Variants in SCMH1 observed in about 807,000 individuals in gnomAD.
The protein encoded by SCMH1 is polycomb protein SCMH1.
SCMH1 carries 37 observed loss-of-function variants against 70.8 expected under a neutral mutation model. That is an observed-to-expected ratio of 0.52 (90% confidence interval 0.40 to 0.69). SCMH1 has a LOEUF of 0.69. Among genes scored for constraint, SCMH1 ranks in the 30% least tolerant of loss-of-function variants. The pLI, the probability that SCMH1 is intolerant of heterozygous loss-of-function variation, is 0.00. For missense variants in SCMH1, 607 were observed against 827.3 expected (o/e 0.73, Z 3.27); for synonymous variants, 292 against 307.4 (o/e 0.95, Z 0.52).
intron 1 of SCMH1, among the ~76,000 whole-genome samples, chr1:41,206,739 G>A (rs1433316552): frequency 6.6e-6 from 1 of 152,118 alleles, no homozygotes; most frequent in East Asian, 1.9e-4. Context: ...ACACATAATT[G>A]TCAAATTTAC....
intron 8 of SCMH1, among the ~76,000 whole-genome samples, chr1:41,091,962 G>C (rs527473698): frequency 6.6e-6 from 1 of 152,140 alleles, no homozygotes; most frequent in Non-Finnish European, 1.5e-5. Context: ...GTACTTTACA[G>C]ATTCAATGCC....
chr1:41,157,972 AAAG>A (rs1469859700), intron 4 of SCMH1, among the ~76,000 whole-genome samples: 1 of 152,214 alleles, frequency 6.6e-6, no homozygotes, highest in Non-Finnish European at 1.5e-5. Flanking sequence ...GAGTGAATGA[AAAG>A]AAGCACACAA....
intron 8 of SCMH1, among the ~76,000 whole-genome samples, chr1:41,104,921 T>C (rs1259811521): frequency 6.6e-6 from 1 of 151,964 alleles, no homozygotes; most frequent in Non-Finnish European, 1.5e-5. Context: ...TTTTGGCCAT[T>C]AGGTTTCCAA....
chr1:41,038,655 A>C (rs982569515), intron 12 of SCMH1, among the ~76,000 whole-genome samples: 2 of 152,194 alleles, frequency 1.3e-5, no homozygotes, highest in African/African-American at 4.8e-5. Flanking sequence ...ATTTACCTTT[A>C]TATCAAGGAG....
intron 10 of SCMH1, among the ~76,000 whole-genome samples, chr1:41,069,764 T>C (rs1449091584): frequency 1.3e-5 from 2 of 152,200 alleles, no homozygotes; most frequent in Non-Finnish European, 2.9e-5. Context: ...CAATGGTCAA[T>C]GAAGACTATT....
At chr1:41,112,644 TTTG>T (rs1351130794) in intron 8 of SCMH1, among the ~76,000 whole-genome samples, 4 of 152,122 alleles carry the variant, frequency 2.6e-5, no homozygotes, top group Admixed American at 2.6e-4. Context: ...ACAATAAAAA[TTTG>T]TTTAGTACTT....
intron 4 of SCMH1, among the ~76,000 whole-genome samples, chr1:41,155,936 G>T (rs1320262905): frequency 1.6e-5 from 2 of 127,000 alleles, no homozygotes; most frequent in Non-Finnish European, 3.1e-5. Context: ...AATGAGCTAA[G>T]ATCGCACCAC....
intron 1 of SCMH1, among the ~76,000 whole-genome samples, chr1:41,205,455 G>A (rs1207120756): frequency 1.3e-5 from 2 of 152,216 alleles, no homozygotes; most frequent in South Asian, 4.1e-4. Context: ...GCAGCAGTCT[G>A]AGACTGACCT....
intron 1 of SCMH1, among the ~76,000 whole-genome samples, chr1:41,217,139 G>A (rs1249839672): frequency 6.6e-6 from 1 of 152,166 alleles, no homozygotes; most frequent in African/African-American, 2.4e-5. Flanking sequence ...AGAAATATGA[G>A]CACTAAAGAT....
chr1:41,057,467 C>G (rs1233756906), intron 10 of SCMH1, among the ~76,000 whole-genome samples: 2 of 152,016 alleles, frequency 1.3e-5, no homozygotes, highest in African/African-American at 4.8e-5. Flanking sequence ...CCAGGCTGGC[C>G]TCAAACTCCT....
At chr1:41,170,413 C>T (rs1168537201) in intron 2 of SCMH1, among the ~76,000 whole-genome samples, 2 of 152,140 alleles carry the variant, frequency 1.3e-5, no homozygotes, top group Non-Finnish European at 2.9e-5. Flanking sequence ...TCCTCAGTTG[C>T]CCCATGGGTA....
intron 1 of SCMH1, among the ~76,000 whole-genome samples, chr1:41,232,891 T>A (rs962716913): frequency 2.6e-5 from 4 of 152,222 alleles, no homozygotes; most frequent in African/African-American, 9.6e-5. Flanking sequence ...CAATTTCACA[T>A]GCCTTTTGCT....
chr1:41,178,687 A>C (rs1299762679), intron 2 of SCMH1, among the ~76,000 whole-genome samples: 3 of 152,248 alleles, frequency 2.0e-5, no homozygotes, highest in Non-Finnish European at 4.4e-5. Context: ...AGAGCTAACT[A>C]TCCTAAACAT....
intron 1 of SCMH1, among the ~76,000 whole-genome samples, chr1:41,235,709 T>C (rs1183244852): frequency 2.0e-5 from 3 of 152,152 alleles, no homozygotes; most frequent in African/African-American, 7.2e-5. Context: ...GTGCCCTTCT[T>C]TGCATTATTC....
At position 41,182,014 on chromosome 1, in the gene SCMH1, C is replaced by T. The variant is rs1648919131; in HGVS notation, c.13+4107G>A. ...CACATATACACCATGGAATACTATG[C>T]AGTCATAAAAAATGATGAGTTCATG... is the stretch of plus-strand genomic sequence containing the variant. On this transcript the variant is annotated intron_variant, in intron 2 of 14. Transcript: ENST00000337495. 2.6e-5 allele frequency among the ~76,000 whole-genome samples: 4 copies of T among 152,272 alleles called. No homozygotes were observed. The South Asian group carries it at 8.3e-4, about 32-fold the overall frequency.
At chr1:41,028,754 A>C in intron 13 of SCMH1, 28 bp from the exon 15 acceptor site, 1 of 1,611,960 alleles carries the variant, frequency 6.2e-7, no homozygotes, top group Non-Finnish European at 8.5e-7. Flanking sequence ...ACCTACCATA[A>C]AGGGCGGGGA....
At chr1:41,084,373 A>G (rs1453908779) in intron 8 of SCMH1, among the ~76,000 whole-genome samples, 1 of 152,252 alleles carries the variant, frequency 6.6e-6, no homozygotes, top group African/African-American at 2.4e-5. Context: ...AATACATGAA[A>G]AAATGCTCAC....
chr1:41,182,743 A>G (rs114555369), intron 2 of SCMH1, among the ~76,000 whole-genome samples: 4,838 of 152,194 alleles, frequency 0.032, 126 homozygotes, highest in South Asian at 0.093. Flanking sequence ...AAAAAAAACA[A>G]TGAAAAAGGA....
intron 1 of SCMH1, among the ~76,000 whole-genome samples, chr1:41,222,738 C>CA (rs920751632): frequency 2.6e-5 from 4 of 152,064 alleles, no homozygotes; most frequent in Non-Finnish European, 5.9e-5. Context: ...AGGGGTAATT[C>CA]AAACACTCAA....
Sources: gnomAD v4.1 joint callset for allele counts (sites outside exome capture counted in the v4.1 genomes callset) on GRCh38, gnomAD v4.1.1 for gene constraint, MANE v1.5 for transcripts, NCBI Gene and HGNC (gene_info 2026-07-23, HGNC 2026-07-21) for gene names.